Variants in FOXP1 observed in about 807,000 individuals in gnomAD.
FOXP1 encodes forkhead box P1.
A neutral mutation model predicts 98.2 loss-of-function variants in FOXP1; 15 were observed. The observed-to-expected ratio is 0.15, with a 90% confidence interval of 0.10 to 0.24. The LOEUF is 0.24. FOXP1 is among the 10% of genes least tolerant of loss of function. FOXP1 has a pLI of 1.00. For synonymous variants in FOXP1, 371 were observed against 314.5 expected (o/e 1.18, Z -1.90); for missense variants, 633 against 848.5 (o/e 0.75, Z 3.15).
At chr3:71,111,040 C>T (rs2057876510) in intron 7 of FOXP1, among the ~76,000 whole-genome samples, 1 of 152,178 alleles carries the variant, frequency 6.6e-6, no homozygotes, top group Non-Finnish European at 1.5e-5. Context: ...GTGACAGTTT[C>T]CCAAGTACAT....
At chr3:71,390,875 C>T (rs1022238389) in intron 3 of FOXP1, among the ~76,000 whole-genome samples, 1 of 152,214 alleles carries the variant, frequency 6.6e-6, no homozygotes, top group Non-Finnish European at 1.5e-5. Flanking sequence ...ACAAGCCTCA[C>T]GTTATCAAAC....
chr3:71,371,117 A>G (rs1343558467), intron 3 of FOXP1, among the ~76,000 whole-genome samples: 4 of 152,080 alleles, frequency 2.6e-5, no homozygotes, highest in Non-Finnish European at 1.5e-5. Flanking sequence ...CTATGGCTAC[A>G]GTGAGGCCAG....
At chr3:71,428,312 ACT>A (rs2084351803) in intron 3 of FOXP1, among the ~76,000 whole-genome samples, 1 of 152,178 alleles carries the variant, frequency 6.6e-6, no homozygotes. Flanking sequence ...CAAGTGGGAC[ACT>A]CTGTCAAGTC....
chr3:71,455,165 C>T (rs1303087932), intron 3 of FOXP1, among the ~76,000 whole-genome samples: 1 of 152,082 alleles, frequency 6.6e-6, no homozygotes, highest in East Asian at 1.9e-4. Context: ...TTCACACATG[C>T]TTTCAGTGCT....
intron 5 of FOXP1, among the ~76,000 whole-genome samples, chr3:71,233,421 T>A (rs935340727): frequency 5.3e-5 from 8 of 151,914 alleles, no homozygotes; most frequent in Admixed American, 1.3e-4. Flanking sequence ...ATAGTTTTTT[T>A]TTGTTTTTGT....
chr3:71,298,629 T>G (rs1421549356), intron 5 of FOXP1, among the ~76,000 whole-genome samples: 1 of 152,146 alleles, frequency 6.6e-6, no homozygotes, highest in African/African-American at 2.4e-5. Flanking sequence ...TACAATTAGG[T>G]AGATCCTGCA....
At chr3:71,166,081 A>C (rs2061384060) in intron 6 of FOXP1, among the ~76,000 whole-genome samples, 1 of 152,256 alleles carries the variant, frequency 6.6e-6, no homozygotes, top group Admixed American at 6.5e-5. Flanking sequence ...TTGGGAAGTA[A>C]CAATCACTCT....
chr3:71,521,594 A>G (rs145842916), intron 2 of FOXP1, among the ~76,000 whole-genome samples: 45 of 152,106 alleles, frequency 3.0e-4, no homozygotes, highest in African/African-American at 8.7e-4. Flanking sequence ...TAAGCCTAAA[A>G]TTGTAAATCA....
At chr3:71,207,427 G>A (rs1214553495) in intron 5 of FOXP1, among the ~76,000 whole-genome samples, 1 of 152,174 alleles carries the variant, frequency 6.6e-6, no homozygotes, top group African/African-American at 2.4e-5. Context: ...TGGTAATGTA[G>A]TGAATGTGGG....
At chr3:71,475,569 G>A (rs1488752589) in intron 3 of FOXP1, among the ~76,000 whole-genome samples, 6 of 152,122 alleles carry the variant, frequency 3.9e-5, no homozygotes, top group South Asian at 2.1e-4. Context: ...TGGGCCAGGC[G>A]CAGTGACTCA....
chr3:71,575,395 T>C (rs572912552), intron 2 of FOXP1, among the ~76,000 whole-genome samples: 1 of 152,312 alleles, frequency 6.6e-6, no homozygotes, highest in Admixed American at 6.5e-5. Context: ...TACGTTACCA[T>C]GTCAATCAGC....
chr3:71,394,891 G>A (rs1446987199), intron 3 of FOXP1, among the ~76,000 whole-genome samples: 12 of 151,810 alleles, frequency 7.9e-5, no homozygotes, highest in Admixed American at 7.9e-4. Flanking sequence ...ACCTGAGGTC[G>A]GGAGTTCGAG....
At chr3:71,046,862 A>T in intron 10 of FOXP1, 80 bp downstream of exon 10, 1 of 1,490,600 alleles carries the variant, frequency 6.7e-7, no homozygotes, top group Non-Finnish European at 9.4e-7. Context: ...CAATGTCCTT[A>T]ACAAATATAC....
At chr3:71,421,285 TAA>T (rs11303167) in intron 3 of FOXP1, among the ~76,000 whole-genome samples, 1 of 151,930 alleles carries the variant, frequency 6.6e-6, no homozygotes, top group Non-Finnish European at 1.5e-5. Context: ...GACATCAGGA[TAA>T]AAAAAATTAA....
intron 3 of FOXP1, among the ~76,000 whole-genome samples, chr3:71,429,310 C>T (rs2084464778): frequency 6.6e-6 from 1 of 152,022 alleles, no homozygotes; most frequent in African/African-American, 2.4e-5. Context: ...GGAAGAACAG[C>T]AGGAAAAGAA....
intron 5 of FOXP1, among the ~76,000 whole-genome samples, chr3:71,273,779 G>A (rs1612181): frequency 0.39 from 59,440 of 152,050 alleles, 12,016 homozygotes; most frequent in Admixed American, 0.42. Context: ...CAAATGCATG[G>A]TGAAGGAATC....
At chr3:71,084,573 C>G (rs987998545) in intron 7 of FOXP1, among the ~76,000 whole-genome samples, 2 of 152,182 alleles carry the variant, frequency 1.3e-5, no homozygotes, top group Admixed American at 1.3e-4. Context: ...GAGAAATACA[C>G]ATTTTTCTTC....
chr3:71,190,281 C>T (rs1436838848), intron 6 of FOXP1, among the ~76,000 whole-genome samples: 1 of 152,016 alleles, frequency 6.6e-6, no homozygotes, highest in African/African-American at 2.4e-5. Flanking sequence ...CCCCCTCCAC[C>T]CCCATTTTCT....
intron 2 of FOXP1, among the ~76,000 whole-genome samples, chr3:71,576,394 A>C (rs1218373527): frequency 1.3e-5 from 2 of 152,232 alleles, no homozygotes; most frequent in Non-Finnish European, 2.9e-5. Flanking sequence ...AGCTTTGCAC[A>C]GGCACTGCTG....
Sources: gnomAD v4.1 joint callset for allele counts (sites outside exome capture counted in the v4.1 genomes callset) on GRCh38, gnomAD v4.1.1 for gene constraint, MANE v1.5 for transcripts, NCBI Gene and HGNC (gene_info 2026-07-23, HGNC 2026-07-21) for gene names.